Variants in CNIH3 observed in about 807,000 individuals in gnomAD.
CNIH3 encodes the protein cornichon family AMPA receptor auxiliary protein 3.
In CNIH3, 14 loss-of-function variants were observed where a neutral mutation model predicts 24.1. That is an observed-to-expected ratio of 0.58 (90% CI 0.38 to 0.91). The LOEUF is 0.91. Ranked by LOEUF, CNIH3 falls within the 40% of genes least tolerant of loss-of-function variation. The probability of loss-of-function intolerance (pLI) is 0.00; values close to 1 mark genes in which losing one functional copy is unlikely to be tolerated. For synonymous variants in CNIH3, 68 were observed against 73.8 expected, an observed-to-expected ratio of 0.92 and a Z score of 0.40; for missense variants, 178 against 196.8, an observed-to-expected ratio of 0.90 and a Z score of 0.57.
At chr1:224,523,291 A>G (rs1221645940) in intron 2 of CNIH3, among the ~76,000 whole-genome samples, 1 of 152,176 alleles carries the variant, frequency 6.6e-6, no homozygotes, top group Non-Finnish European at 1.5e-5. Flanking sequence ...CAAATTGAGA[A>G]AACCTAAATA....
intron 1 of CNIH3, among the ~76,000 whole-genome samples, chr1:224,482,103 G>T (rs923271376): frequency 1.3e-5 from 2 of 152,160 alleles, no homozygotes; most frequent in Non-Finnish European, 2.9e-5. Context: ...TGTGTTGAAT[G>T]CTCTCAAGCC....
intron 2 of CNIH3, among the ~76,000 whole-genome samples, chr1:224,523,628 A>G (rs1335849391): frequency 1.3e-5 from 2 of 152,206 alleles, no homozygotes; most frequent in African/African-American, 4.8e-5. Context: ...ATGGTTACAC[A>G]GAGGTGCTTA....
At chr1:224,669,001 A>G (rs564803960) in intron 1 of CNIH3, among the ~76,000 whole-genome samples, 1 of 152,238 alleles carries the variant, frequency 6.6e-6, no homozygotes, top group Non-Finnish European at 1.5e-5. Context: ...CCCCTCCCTC[A>G]CTGCTTGAGC....
intron 4 of CNIH3, among the ~76,000 whole-genome samples, chr1:224,579,865 A>T (rs1233737373): frequency 1.3e-5 from 2 of 152,188 alleles, no homozygotes; most frequent in African/African-American, 2.4e-5. Flanking sequence ...CCAGATGCCC[A>T]GTGTTCCAGT....
chr1:224,486,846 C>A (rs922372786), intron 1 of CNIH3, among the ~76,000 whole-genome samples: 1 of 152,170 alleles, frequency 6.6e-6, no homozygotes, highest in Non-Finnish European at 1.5e-5. Context: ...ACAGTACTAA[C>A]GCAATAAGTG....
intron 3 of CNIH3, among the ~76,000 whole-genome samples, chr1:224,708,434 A>T (rs896099072): frequency 6.6e-6 from 1 of 152,126 alleles, no homozygotes; most frequent in African/African-American, 2.4e-5. Flanking sequence ...GTAACCCTTC[A>T]TGCTACCAAC....
chr1:224,540,168 C>T (rs994164366), downstream of CNIH3, among the ~76,000 whole-genome samples: 5 of 152,170 alleles, frequency 3.3e-5, no homozygotes, highest in East Asian at 1.9e-4. Flanking sequence ...AAGTATCCTA[C>T]GGGCCAACTT....
intron 3 of CNIH3, among the ~76,000 whole-genome samples, chr1:224,685,374 T>C (rs1686604708): frequency 6.6e-6 from 1 of 152,074 alleles, no homozygotes; most frequent in Non-Finnish European, 1.5e-5. Context: ...AATGGATGGG[T>C]AGTACGTTAC....
chr1:224,537,954 A>T (rs951755546), downstream of CNIH3, among the ~76,000 whole-genome samples: 3 of 150,488 alleles, frequency 2.0e-5, no homozygotes, highest in South Asian at 4.2e-4. Flanking sequence ...CATTATTATT[A>T]TTATTTTTTT....
chr1:224,495,186 GC>G (rs1353256059), intron 1 of CNIH3, among the ~76,000 whole-genome samples: 2 of 152,126 alleles, frequency 1.3e-5, no homozygotes, highest in Non-Finnish European at 2.9e-5. Context: ...TGTTCAATGA[GC>G]CTCCTCATGT....
chr1:224,718,250 G>A (rs1371915320), intron 3 of CNIH3, among the ~76,000 whole-genome samples: 1 of 151,832 alleles, frequency 6.6e-6, no homozygotes, highest in Admixed American at 6.6e-5. Context: ...GTGACCTTGA[G>A]TAGGTTCTTG....
At chr1:224,714,966 A>G (rs934920288) in intron 3 of CNIH3, among the ~76,000 whole-genome samples, 1 of 152,208 alleles carries the variant, frequency 6.6e-6, no homozygotes, top group Non-Finnish European at 1.5e-5. Flanking sequence ...AACAGGATCA[A>G]TATTTCTGCA....
At chr1:224,674,445 C>G (rs1200125676) in intron 1 of CNIH3, among the ~76,000 whole-genome samples, 1 of 151,984 alleles carries the variant, frequency 6.6e-6, no homozygotes, top group Non-Finnish European at 1.5e-5. Flanking sequence ...TATAGTTTCC[C>G]ACCTCTTGAG....
chr1:224,539,830 T>C (rs1003709457), downstream of CNIH3, among the ~76,000 whole-genome samples: 1 of 152,232 alleles, frequency 6.6e-6, no homozygotes, highest in Non-Finnish European at 1.5e-5. Context: ...GTATTCTGTT[T>C]CTATATTTTG....
At chr1:224,453,022 G>A (rs1008399042) in intron 1 of CNIH3, among the ~76,000 whole-genome samples, 1 of 151,198 alleles carries the variant, frequency 6.6e-6, no homozygotes, top group Non-Finnish European at 1.5e-5. Context: ...CGGGAAGGCT[G>A]AGGCAGGAGA....
rs1683036354 is a variant in CNIH3, at chr1:224,617,028, T to A, written c.-147T>A. ...CAGCGCTTATTCGCTGACCCTCGAG[T>A]CGCTTCGCTAGCTGTGCGCCCTCCT... On this transcript the variant is annotated 5_prime_UTR_variant, in exon 1 of 6. Transcript: ENST00000272133. The A allele has an allele frequency of 7.1e-7, 1 of 1,412,964 alleles. No homozygotes were observed. Among genetic ancestry groups the A allele is most frequent in the Non-Finnish European group, 9.2e-7 (1 of 1,086,444 alleles). 87.5% of individuals were successfully genotyped at this position (1,412,964 alleles called of 1,614,324 possible). A position where few individuals can be genotyped will look rare whatever the true frequency, so the allele number is the denominator to read the frequency against.
At chr1:224,580,316 C>T (rs1338652919) in intron 4 of CNIH3, among the ~76,000 whole-genome samples, 7 of 152,258 alleles carry the variant, frequency 4.6e-5, no homozygotes, top group African/African-American at 1.4e-4. Context: ...TTTCCGTTAC[C>T]ATTGTAAACC....
At chr1:224,605,339 G>T (rs780137376) in intron 3 of CNIH3, among the ~76,000 whole-genome samples, 1 of 152,186 alleles carries the variant, frequency 6.6e-6, no homozygotes, top group Non-Finnish European at 1.5e-5. Context: ...GACAGTAAGA[G>T]AAATCTGACA....
In CNIH3 at chr1:224,738,715, A is replaced by G. The variant is rs1338594749; in HGVS notation, c.456-614A>G. 2.6e-5 allele frequency among the ~76,000 whole-genome samples: 4 copies of G among 151,838 alleles called. No individual in the cohort carries two copies. In the East Asian group the frequency reaches 5.8e-4, roughly 22 times the overall value. On this transcript the variant is annotated intron_variant, in intron 5 of 5. Coordinates refer to ENST00000272133, the MANE Select transcript of CNIH3 (RefSeq NM_152495.2). ...CAGGGATACATGTCCCCTTCACCCC[A>G]CTCTTAGTAGTATTGGGGCAATACT...
Sources: gnomAD v4.1 joint callset for allele counts (sites outside exome capture counted in the v4.1 genomes callset) on GRCh38, gnomAD v4.1.1 for gene constraint, MANE v1.5 for transcripts, NCBI Gene and HGNC (gene_info 2026-07-23, HGNC 2026-07-21) for gene names.